The following RASSF3 variants were observed in gnomAD, a reference collection of about 807,000 sequenced individuals.
RASSF3 encodes the protein Ras association domain family member 3, also known as ras association domain-containing protein 3.
In RASSF3, 19 loss-of-function variants were observed where a neutral mutation model predicts 19.9. The ratio of observed to expected loss-of-function variants is 0.96; its 90% CI spans 0.67 to 1.40. The LOEUF (loss-of-function observed/expected upper bound fraction) is 1.40, where lower values mean the gene tolerates loss of function less well. RASSF3 is among the 40% of genes most tolerant of loss of function. The pLI, the probability that RASSF3 is intolerant of heterozygous loss-of-function variation, is 0.00. For synonymous variants in RASSF3, 110 were observed against 104.2 expected, an observed-to-expected ratio of 1.06 and a Z score of -0.34; for missense variants, 306 against 289.8, an observed-to-expected ratio of 1.06 and a Z score of -0.41.
At chr12:64,529,569 T>A (rs561647992), upstream of RASSF3, among the ~76,000 whole-genome samples, 2 of 152,266 alleles carry the variant, frequency 1.3e-5, no homozygotes, top group East Asian at 3.9e-4. Context: ...TTCCTGGCAA[T>A]GGTGCCGTCA....
intron 1 of RASSF3, among the ~76,000 whole-genome samples, chr12:64,648,663 A>G (rs913299020): frequency 1.3e-5 from 2 of 151,676 alleles, no homozygotes; most frequent in Admixed American, 6.6e-5. Flanking sequence ...TTGTATTTTT[A>G]GTAGAGACGG....
intron 1 of RASSF3, among the ~76,000 whole-genome samples, chr12:64,659,378 G>A (rs1266213320): frequency 2.0e-5 from 3 of 152,120 alleles, no homozygotes; most frequent in Non-Finnish European, 2.9e-5. Flanking sequence ...TAATGACAAG[G>A]TCAGAGCAAA....
intron 2 of RASSF3, among the ~76,000 whole-genome samples, chr12:64,595,009 A>G (rs537885525): frequency 1.3e-5 from 2 of 151,186 alleles, no homozygotes; most frequent in African/African-American, 4.9e-5. Flanking sequence ...ACACATGCAC[A>G]CTACATACAC....
chr12:64,524,555 C>T (rs897378270), intron 1 of RASSF3, among the ~76,000 whole-genome samples: 8 of 152,072 alleles, frequency 5.3e-5, no homozygotes, highest in Admixed American at 1.3e-4. Flanking sequence ...AACATTCTCA[C>T]GTACAACACA....
chr12:64,625,621 G>A (rs1025800249), intron 1 of RASSF3, among the ~76,000 whole-genome samples: 3 of 152,096 alleles, frequency 2.0e-5, no homozygotes, highest in Non-Finnish European at 4.4e-5. Flanking sequence ...AGTCACTGTC[G>A]TCTTTCTGGT....
intron 1 of RASSF3, among the ~76,000 whole-genome samples, chr12:64,636,865 CAAAAAAAA>C (rs762865541): frequency 1.6e-5 from 1 of 63,522 alleles, no homozygotes; most frequent in Non-Finnish European, 3.0e-5. Flanking sequence ...AACTCCGTCT[CAAAAAAAA>C]AAAAAAAAAA....
In RASSF3 at chr12:64,655,846, G is replaced by A. The variant is rs201989642; in HGVS notation, c.112-28941G>A. ...GTTCGAGACCAGCCTGGCTAACATG[G>A]TGAAACCCTGTCTCTACTAAAAATA... On this transcript the variant is annotated intron_variant, in intron 1 of 4. Transcript: ENST00000542104. 3.3e-5 allele frequency among the ~76,000 whole-genome samples: 5 copies of A among 151,928 alleles called. No homozygotes were observed. The East Asian group carries it at 7.8e-4, about 24-fold the overall frequency.
chr12:64,555,230 A>G (rs933289403), intron 2 of RASSF3, among the ~76,000 whole-genome samples: 1 of 151,456 alleles, frequency 6.6e-6, no homozygotes, highest in Admixed American at 6.6e-5. Flanking sequence ...TGACAGAGTC[A>G]GACTCTGTCA....
rs1221213439 is a variant in RASSF3, at chr12:64,647,376, C to T, written c.111+36633C>T. On this transcript the variant is annotated intron_variant, in intron 1 of 4. Coordinates refer to ENST00000542104, the MANE Select transcript of RASSF3 (RefSeq NM_178169.4). Reference sequence around the variant, plus strand: ...TGATCTTCCTGAGCAGCTGGGATTGCAGGCACACACCACCATGCTCGGCTA... The same window carrying T: ...TGATCTTCCTGAGCAGCTGGGATTGTAGGCACACACCACCATGCTCGGCTA... Among the ~76,000 whole-genome samples the T allele has an allele frequency of 3.3e-5, 5 of 151,534 alleles. No homozygotes were observed. In the East Asian group the frequency reaches 9.7e-4, roughly 29 times the overall value.
intron 1 of RASSF3, among the ~76,000 whole-genome samples, chr12:64,618,597 G>A (rs999889042): frequency 2.6e-5 from 4 of 152,152 alleles, no homozygotes; most frequent in African/African-American, 9.7e-5. Context: ...AAAGTGCTGG[G>A]ATTACAGGCG....
At chr12:64,626,981 G>T (rs1382905645) in intron 1 of RASSF3, among the ~76,000 whole-genome samples, 1 of 152,180 alleles carries the variant, frequency 6.6e-6, no homozygotes, top group African/African-American at 2.4e-5. Context: ...TTATTTACTA[G>T]CTCTGGGAGC....
At chr12:64,649,107 C>T (rs10784418) in intron 1 of RASSF3, among the ~76,000 whole-genome samples, 43,190 of 148,502 alleles carry the variant, frequency 0.29, 6,683 homozygotes, top group Non-Finnish European at 0.36. Context: ...AGTCCAGCTA[C>T]TCATACAGCT....
intron 1 of RASSF3, among the ~76,000 whole-genome samples, chr12:64,656,092 G>T (rs951007193): frequency 2.0e-5 from 3 of 151,740 alleles, no homozygotes; most frequent in African/African-American, 7.3e-5. Flanking sequence ...AGGTTAATTG[G>T]GATATGCCTA....
At chr12:64,685,883 C>T (rs1873331357) in intron 2 of RASSF3, among the ~76,000 whole-genome samples, 1 of 152,210 alleles carries the variant, frequency 6.6e-6, no homozygotes, top group South Asian at 2.1e-4. Flanking sequence ...TGGCACTTGT[C>T]AGCCCTTGGC....
chr12:64,642,488 A>G (rs1317636580), intron 1 of RASSF3, among the ~76,000 whole-genome samples: 1 of 141,238 alleles, frequency 7.1e-6, no homozygotes, highest in Non-Finnish European at 1.5e-5. Flanking sequence ...TGAATCCTGG[A>G]AGCAGAGGTT....
At chr12:64,620,086 G>C (rs1327769801) in intron 1 of RASSF3, among the ~76,000 whole-genome samples, 2 of 148,080 alleles carry the variant, frequency 1.4e-5, no homozygotes, top group African/African-American at 5.0e-5. Context: ...AATGATGCTA[G>C]ACTAAGTGCT....
intron 2 of RASSF3, among the ~76,000 whole-genome samples, chr12:64,548,062 G>T (rs1869099179): frequency 6.6e-6 from 1 of 152,104 alleles, no homozygotes; most frequent in Non-Finnish European, 1.5e-5. Flanking sequence ...CTTACAATGT[G>T]ACCATGTTTC....
chr12:64,673,888 T>C (rs1872787370), intron 1 of RASSF3, among the ~76,000 whole-genome samples: 1 of 151,886 alleles, frequency 6.6e-6, no homozygotes, highest in Non-Finnish European at 1.5e-5. Context: ...CTGGTCCACC[T>C]CCAAGTTTGT....
At position 64,603,428 on chromosome 12, in the gene RASSF3, G is replaced by A. The variant is rs1280224733; in HGVS notation, c.294+61723G>A. On this transcript the variant is annotated intron_variant, in intron 2 of 5. Coordinates refer to the RASSF3 transcript ENST00000637125. ...CTATGGGGTTTATCTTGCAGTCCTC[G>A]TACCAGGTAGTGCCCTTTGCACAAA... Among the ~76,000 whole-genome samples, 4 of 152,244 alleles carry A rather than the reference G, an allele frequency of 2.6e-5. No individual in the cohort carries two copies. In the East Asian group the frequency reaches 5.8e-4, roughly 22 times the overall value.
Sources: gnomAD v4.1 joint callset for allele counts (sites outside exome capture counted in the v4.1 genomes callset) on GRCh38, gnomAD v4.1.1 for gene constraint, MANE v1.5 for transcripts, NCBI Gene and HGNC (gene_info 2026-07-23, HGNC 2026-07-21) for gene names.